PDE11A: variants seen among roughly 807,000 people sequenced by gnomAD.
The protein encoded by PDE11A is phosphodiesterase 11A.
In PDE11A, 100 loss-of-function variants were observed where a neutral mutation model predicts 100.5. The ratio of observed to expected loss-of-function variants is 1.00; its 90% CI spans 0.85 to 1.18. The LOEUF (loss-of-function observed/expected upper bound fraction) is 1.18. Ranked by LOEUF, PDE11A falls within the 50% of genes most tolerant of loss-of-function variation. The pLI, the probability that PDE11A is intolerant of heterozygous loss-of-function variation, is 0.00. For synonymous variants in PDE11A, 381 were observed against 420.8 expected, an observed-to-expected ratio of 0.91 and a Z score of 1.16; for missense variants, 1,141 against 1,152.6, an observed-to-expected ratio of 0.99 and a Z score of 0.15.
intron 19 of PDE11A, among the ~76,000 whole-genome samples, chr2:177,650,014 A>G (rs1365435399): frequency 2.0e-5 from 3 of 152,204 alleles, no homozygotes; most frequent in Non-Finnish European, 4.4e-5. Context: ...AAAGATCAAA[A>G]AAATTTAGTG....
At chr2:177,763,915 G>C (rs2082204635) in intron 10 of PDE11A, among the ~76,000 whole-genome samples, 1 of 152,194 alleles carries the variant, frequency 6.6e-6, no homozygotes, top group Non-Finnish European at 1.5e-5. Context: ...CAAGAGAAGG[G>C]GGGCAGCCCT....
In PDE11A at chr2:177,939,348, G is replaced by A. The variant is rs185404067; in HGVS notation, c.1072-34161C>T. Among the ~76,000 whole-genome samples, 21 of 149,318 alleles carry A rather than the reference G, an allele frequency of 1.4e-4. No individual in the cohort carries two copies. The East Asian group carries it at 3.2e-3, about 23-fold the overall frequency. On this transcript the variant is annotated intron_variant, in intron 2 of 19. Coordinates refer to ENST00000286063, the MANE Select transcript of PDE11A (RefSeq NM_016953.4). ...AAGGAAGAAAGGAAGGAAGGAGGGA[G>A]GGCGGAAGGAGGGAGAGAGTGAGGA...
chr2:177,709,721 T>C (rs2081331493), intron 13 of PDE11A, among the ~76,000 whole-genome samples: 1 of 152,072 alleles, frequency 6.6e-6, no homozygotes, highest in Non-Finnish European at 1.5e-5. Flanking sequence ...TTCAAGGTTG[T>C]ACAGGTGGAT....
At chr2:177,931,108 A>G (rs2085199944) in intron 2 of PDE11A, among the ~76,000 whole-genome samples, 1 of 152,172 alleles carries the variant, frequency 6.6e-6, no homozygotes, top group Non-Finnish European at 1.5e-5. Context: ...GTAAGCCAAG[A>G]TTGCGCCATT....
At chr2:177,890,228 C>A (rs1574255647) in intron 4 of PDE11A, among the ~76,000 whole-genome samples, 1 of 152,088 alleles carries the variant, frequency 6.6e-6, no homozygotes, top group East Asian at 1.9e-4. Flanking sequence ...GGTGACTTGC[C>A]ATTTGTGTTC....
intron 15 of PDE11A, among the ~76,000 whole-genome samples, chr2:177,685,031 G>C (rs1392663908): frequency 6.6e-6 from 1 of 152,192 alleles, no homozygotes; most frequent in East Asian, 1.9e-4. Flanking sequence ...AATTCTATGA[G>C]TTATTCCAAG....
chr2:177,802,753 T>C (rs934609892), intron 9 of PDE11A, among the ~76,000 whole-genome samples: 3 of 151,956 alleles, frequency 2.0e-5, no homozygotes, highest in African/African-American at 7.2e-5. Context: ...ATCAAGACAT[T>C]TTTCCTATTG....
At chr2:177,670,037 A>T (rs2080652785) in intron 17 of PDE11A, among the ~76,000 whole-genome samples, 2 of 152,004 alleles carry the variant, frequency 1.3e-5, no homozygotes, top group South Asian at 4.1e-4. Context: ...AAACTCCTCA[A>T]CTCCCTCCCT....
At chr2:177,874,775 T>C (rs2084203290) in intron 5 of PDE11A, among the ~76,000 whole-genome samples, 1 of 152,230 alleles carries the variant, frequency 6.6e-6, no homozygotes, top group Non-Finnish European at 1.5e-5. Context: ...ACTTTTTTTA[T>C]TGGAAGATTT....
intron 2 of PDE11A, among the ~76,000 whole-genome samples, chr2:177,951,613 G>T (rs1214048972): frequency 6.6e-6 from 1 of 152,150 alleles, no homozygotes; most frequent in African/African-American, 2.4e-5. Context: ...GAGAGTATCA[G>T]CATTTGTGAA....
At chr2:177,851,978 C>A (rs2105649851) in intron 5 of PDE11A, among the ~76,000 whole-genome samples, 1 of 152,236 alleles carries the variant, frequency 6.6e-6, no homozygotes, top group Middle Eastern at 3.4e-3. Flanking sequence ...TTAGCTCCCA[C>A]TTATAAGGGA....
At chr2:177,749,325 C>T (rs1033135871) in intron 10 of PDE11A, among the ~76,000 whole-genome samples, 1 of 152,180 alleles carries the variant, frequency 6.6e-6, no homozygotes, top group Non-Finnish European at 1.5e-5. Flanking sequence ...AACCCTCCTG[C>T]CTTGGCCTCA....
chr2:177,986,250 T>C (rs1459429108), intron 2 of PDE11A, among the ~76,000 whole-genome samples: 2 of 152,136 alleles, frequency 1.3e-5, no homozygotes, highest in African/African-American at 2.4e-5. Flanking sequence ...CTTGAATCCC[T>C]TCCCCATTCT....
chr2:177,725,387 AATACTATC>A lies in PDE11A; in HGVS notation c.2043+2263_2043+2270del, dbSNP rs2081585491. Among the ~76,000 whole-genome samples the A allele has an allele frequency of 5.3e-5, 8 of 152,276 alleles. No homozygotes were observed. The East Asian group carries it at 1.5e-3, about 29-fold the overall frequency. On this transcript the variant is annotated intron_variant, in intron 12 of 19. Transcript: ENST00000286063. ...GTTCAACAAAATTTAATGAGCAGAA[AATACTATC>A]TTTTCCAGATGTGGCTACTCAATAC...
At chr2:177,801,425 T>C (rs2105553782) in intron 9 of PDE11A, among the ~76,000 whole-genome samples, 1 of 152,216 alleles carries the variant, frequency 6.6e-6, no homozygotes. Flanking sequence ...CAACAAACAT[T>C]TACTCAGTGA....
Position 177,624,260 on chromosome 2 carries a change from G to GTT in PDE11A, c.*5145_*5146dup, listed in dbSNP as rs4020005. 94,550 of 142,588 alleles carry GTT rather than the reference G, an allele frequency of 0.66. 32,543 individuals carry two copies. Among genetic ancestry groups the GTT allele is most frequent in the Admixed American group, 0.77 (11,121 of 14,474 alleles). 8.8% of individuals were successfully genotyped at this position (142,588 alleles called of 1,614,324 possible). On this transcript the variant is annotated 3_prime_UTR_variant, in exon 20 of 20. Coordinates refer to ENST00000286063, the MANE Select transcript of PDE11A (RefSeq NM_016953.4). Reference sequence around the variant, plus strand: ...AATGAATCCTTTTTGTGTTTTGGTGGTTTTTTTTTTTTTCAGCCAAGGCAT... The same window carrying GTT: ...AATGAATCCTTTTTGTGTTTTGGTGGTTTTTTTTTTTTTTTCAGCCAAGGCAT...
intron 3 of PDE11A, among the ~76,000 whole-genome samples, chr2:177,898,825 GCTATAA>G (rs1370006972): frequency 2.0e-5 from 3 of 152,116 alleles, no homozygotes; most frequent in African/African-American, 7.2e-5. Context: ...TAATTATATT[GCTATAA>G]CTCATACACC....
intron 10 of PDE11A, among the ~76,000 whole-genome samples, chr2:177,751,757 T>A (rs138810466): frequency 5.3e-5 from 8 of 152,238 alleles, no homozygotes; most frequent in African/African-American, 1.9e-4. Context: ...TTTTATAATA[T>A]TCTAAACAAA....
intron 19 of PDE11A, among the ~76,000 whole-genome samples, chr2:177,656,815 G>A (rs777030786): frequency 2.6e-5 from 4 of 152,220 alleles, no homozygotes; most frequent in Non-Finnish European, 5.9e-5. Flanking sequence ...AGGCACATAT[G>A]AGAGCGAGGA....
Sources: gnomAD v4.1 joint callset for allele counts (sites outside exome capture counted in the v4.1 genomes callset) on GRCh38, gnomAD v4.1.1 for gene constraint, MANE v1.5 for transcripts, NCBI Gene and HGNC (gene_info 2026-07-23, HGNC 2026-07-21) for gene names.